Variants in ZFHX3 observed in about 807,000 individuals in gnomAD.
The protein encoded by ZFHX3 is zinc finger homeobox protein 3.
In ZFHX3, 42 loss-of-function variants were observed where a neutral mutation model predicts 279.1. The observed-to-expected ratio is 0.15, with a 90% CI of 0.12 to 0.19. ZFHX3 has a LOEUF of 0.19. ZFHX3 is among the 10% of genes least tolerant of loss of function. The pLI, the probability that ZFHX3 is intolerant of heterozygous loss-of-function variation, is 1.00. For missense variants in ZFHX3, 4,981 were observed against 4,754.0 expected (o/e 1.05, Z -1.40); for synonymous variants, 2,293 against 1,957.8 (o/e 1.17, Z -4.52).
chr16:73,553,943 GA>G (rs1210104654), intron 2 of ZFHX3, among the ~76,000 whole-genome samples: 2 of 152,208 alleles, frequency 1.3e-5, no homozygotes, highest in African/African-American at 4.8e-5. Flanking sequence ...CAGATGATCA[GA>G]AAAAGTGATA....
chr16:73,124,961 C>G (rs11863352), intron 7 of ZFHX3, among the ~76,000 whole-genome samples: 1,723 of 152,236 alleles, frequency 0.011, 24 homozygotes, highest in African/African-American at 0.038. Flanking sequence ...TCCTCATTGG[C>G]CAAACCCAAC....
intron 2 of ZFHX3, among the ~76,000 whole-genome samples, chr16:73,536,990 C>T (rs1029286524): frequency 3.3e-5 from 5 of 152,116 alleles, no homozygotes; most frequent in Non-Finnish European, 7.4e-5. Context: ...TCCTACCTTT[C>T]AACTTCATGT....
At chr16:72,946,652 G>A (rs947393330) in intron 3 of ZFHX3, among the ~76,000 whole-genome samples, 6 of 152,294 alleles carry the variant, frequency 3.9e-5, no homozygotes, top group African/African-American at 7.2e-5. Context: ...CAAGATAAAC[G>A]TGGAAGAGCT....
At chr16:73,867,230 C>T (rs1962046577) in intron 1 of ZFHX3, among the ~76,000 whole-genome samples, 1 of 152,152 alleles carries the variant, frequency 6.6e-6, no homozygotes, top group African/African-American at 2.4e-5. Context: ...AGATGCTTTG[C>T]GTGAGCTATC....
chr16:73,557,663 G>T (rs200589420), intron 2 of ZFHX3, among the ~76,000 whole-genome samples: 1 of 151,938 alleles, frequency 6.6e-6, no homozygotes, highest in East Asian at 1.9e-4. Context: ...CACTCTTGTC[G>T]TCATCTTGTT....
At chr16:73,364,854 A>G (rs945433244) in intron 3 of ZFHX3, among the ~76,000 whole-genome samples, 1 of 152,198 alleles carries the variant, frequency 6.6e-6, no homozygotes, top group African/African-American at 2.4e-5. Context: ...ATATTGGGAC[A>G]AGAGATCATG....
At chr16:73,013,285 T>A (rs1265846066) in intron 1 of ZFHX3, among the ~76,000 whole-genome samples, 1 of 152,158 alleles carries the variant, frequency 6.6e-6, no homozygotes, top group Non-Finnish European at 1.5e-5. Context: ...AACTCTTTAT[T>A]TTTTTATTAT....
chr16:73,844,592 T>C (rs1961396169), intron 1 of ZFHX3, among the ~76,000 whole-genome samples: 1 of 151,656 alleles, frequency 6.6e-6, no homozygotes, highest in East Asian at 1.9e-4. Context: ...AGATGATAAA[T>C]AACATGCTCG....
At chr16:73,212,253 T>C (rs1309051337) in intron 5 of ZFHX3, among the ~76,000 whole-genome samples, 1 of 152,122 alleles carries the variant, frequency 6.6e-6, no homozygotes, top group African/African-American at 2.4e-5. Flanking sequence ...TTTCTTTCTG[T>C]GCATATATAT....
intron 3 of ZFHX3, among the ~76,000 whole-genome samples, chr16:72,907,681 CTTTT>C (rs71156129): frequency 2.3e-5 from 3 of 131,870 alleles, no homozygotes; most frequent in Non-Finnish European, 3.2e-5. Context: ...CTCCAAATTC[CTTTT>C]TTTTTTTTTT....
At chr16:73,632,617 T>C (rs1204538795) in intron 2 of ZFHX3, among the ~76,000 whole-genome samples, 2 of 140,510 alleles carry the variant, frequency 1.4e-5, no homozygotes, top group Non-Finnish European at 3.1e-5. Flanking sequence ...ACCTGGGAGG[T>C]GAAGGTAGCA....
At chr16:73,020,154 G>T (rs188595915) in intron 1 of ZFHX3, among the ~76,000 whole-genome samples, 1 of 152,190 alleles carries the variant, frequency 6.6e-6, no homozygotes, top group Non-Finnish European at 1.5e-5. Context: ...AGGACAAGAG[G>T]CACCAGCAAG....
chr16:73,382,731 G>T (rs1567466995), intron 3 of ZFHX3, among the ~76,000 whole-genome samples: 1 of 152,206 alleles, frequency 6.6e-6, no homozygotes, highest in Non-Finnish European at 1.5e-5. Flanking sequence ...GTGTCCTTGA[G>T]CTGACTCCTT....
intron 3 of ZFHX3, among the ~76,000 whole-genome samples, chr16:72,921,566 T>C (rs1332452169): frequency 5.9e-5 from 9 of 152,240 alleles, no homozygotes; most frequent in African/African-American, 9.6e-5. Flanking sequence ...GCTATTCTTA[T>C]TCTCTGATGA....
At chr16:72,996,041 G>A (rs1881059306) in intron 1 of ZFHX3, among the ~76,000 whole-genome samples, 1 of 152,060 alleles carries the variant, frequency 6.6e-6, no homozygotes, top group South Asian at 2.1e-4. Context: ...ACCAAGGCGG[G>A]TGGATCACCT....
intron 3 of ZFHX3, among the ~76,000 whole-genome samples, chr16:72,908,380 C>G (rs931931166): frequency 7.9e-5 from 12 of 152,216 alleles, no homozygotes; most frequent in African/African-American, 2.9e-4. Context: ...TATGAATGAA[C>G]TTCCTTAAAC....
chr16:73,882,975 T>G (rs778559236), intron 1 of ZFHX3, among the ~76,000 whole-genome samples: 4 of 151,930 alleles, frequency 2.6e-5, no homozygotes, highest in Non-Finnish European at 4.4e-5. Context: ...TTATAAACAC[T>G]GGGGATTTGG....
At chr16:73,596,782 C>T (rs547418742) in intron 2 of ZFHX3, among the ~76,000 whole-genome samples, 1 of 152,272 alleles carries the variant, frequency 6.6e-6, no homozygotes, top group Non-Finnish European at 1.5e-5. Flanking sequence ...GGGTAAGGAA[C>T]GTCACTATAA....
At chr16:73,588,283 T>C (rs2051948366) in intron 2 of ZFHX3, among the ~76,000 whole-genome samples, 1 of 152,148 alleles carries the variant, frequency 6.6e-6, no homozygotes, top group African/African-American at 2.4e-5. Flanking sequence ...ATGATACCAC[T>C]TTAAATGTTT....
Sources: gnomAD v4.1 joint callset for allele counts (sites outside exome capture counted in the v4.1 genomes callset) on GRCh38, gnomAD v4.1.1 for gene constraint, MANE v1.5 for transcripts, NCBI Gene and HGNC (gene_info 2026-07-23, HGNC 2026-07-21) for gene names.